The following PLEKHA5 variants were observed in gnomAD, a reference collection of about 807,000 sequenced individuals.
The protein encoded by PLEKHA5 is pleckstrin homology domain-containing family A member 5.
In PLEKHA5, 55 loss-of-function variants were observed where a neutral mutation model predicts 181.9. The observed-to-expected ratio is 0.30, with a 90% confidence interval of 0.24 to 0.38. The LOEUF (loss-of-function observed/expected upper bound fraction) is 0.38, where lower values mean the gene tolerates loss of function less well. Among genes scored for constraint, PLEKHA5 ranks in the 10% least tolerant of loss-of-function variants. PLEKHA5 has a pLI of 1.00. For missense variants in PLEKHA5, 1,432 were observed against 1,549.5 expected (o/e 0.92, Z 1.27); for synonymous variants, 535 against 529.4 (o/e 1.01, Z -0.15).
intron 3 of PLEKHA5, among the ~76,000 whole-genome samples, chr12:19,198,900 TACTC>T (rs1378715120): frequency 1.1e-4 from 16 of 152,314 alleles, no homozygotes; most frequent in Non-Finnish European, 2.1e-4. Context: ...ATAAGACCAT[TACTC>T]AGCAGCAAAA....
intron 30 of PLEKHA5, among the ~76,000 whole-genome samples, chr12:19,366,577 C>G (rs1176461700): frequency 6.6e-6 from 1 of 152,056 alleles, no homozygotes; most frequent in Non-Finnish European, 1.5e-5. Context: ...TGCTTGAACC[C>G]CAGAGGCGGA....
At chr12:19,160,666 C>T (rs2042761077) in intron 3 of PLEKHA5, among the ~76,000 whole-genome samples, 2 of 152,026 alleles carry the variant, frequency 1.3e-5, no homozygotes, top group South Asian at 4.2e-4. Context: ...TATTGATGTA[C>T]ATCTTTTTAG....
chr12:19,136,116 G>A (rs543349748), intron 3 of PLEKHA5, among the ~76,000 whole-genome samples: 1 of 152,032 alleles, frequency 6.6e-6, no homozygotes, highest in Admixed American at 6.6e-5. Context: ...GAACTCCTAG[G>A]CTCACGCAAT....
chr12:19,130,850 C>G lies in PLEKHA5; in HGVS notation c.169+720C>G, dbSNP rs913869349. 1 of 152,232 alleles carries G rather than the reference C, an allele frequency of 6.6e-6. No individual in the cohort carries two copies. Among genetic ancestry groups the G allele is most frequent in the Non-Finnish European group, 1.5e-5 (1 of 68,076 alleles). 9.4% of individuals were successfully genotyped at this position (152,232 alleles called of 1,614,324 possible). ...GCTGGCGATCCGGATCTAAAGTCCC[C>G]GCCAGCCGCACGGAGGTTGCACAGA... On this transcript the variant is annotated intron_variant, in intron 2 of 31. Coordinates refer to ENST00000429027, the MANE Select transcript of PLEKHA5 (RefSeq NM_001256470.2). This position sits in a 1 kb window ranked among gnomAD's most constrained non-coding sequence, Gnocchi z 4.5.
chr12:19,185,114 T>G (rs2049524834), intron 3 of PLEKHA5, among the ~76,000 whole-genome samples: 2 of 152,108 alleles, frequency 1.3e-5, no homozygotes, highest in Admixed American at 1.3e-4. Flanking sequence ...TCTTTTAACA[T>G]TGGTTCTTCA....
intron 20 of PLEKHA5, among the ~76,000 whole-genome samples, chr12:19,330,542 G>A (rs2092737275): frequency 1.3e-5 from 2 of 152,024 alleles, no homozygotes; most frequent in Admixed American, 1.3e-4. Context: ...TTTTATTTGA[G>A]AAGCAGTTAC....
At chr12:19,205,405 CAAAGA>C in intron 3 of PLEKHA5, 1 of 983,282 alleles carries the variant, frequency 1.0e-6, no homozygotes, top group Non-Finnish European at 1.2e-6. Flanking sequence ...AAGCCTGAGA[CAAAGA>C]AAAGAACACA....
chr12:19,250,027 T>A (rs1307954026), intron 3 of PLEKHA5, among the ~76,000 whole-genome samples: 1 of 152,198 alleles, frequency 6.6e-6, no homozygotes, highest in Non-Finnish European at 1.5e-5. Flanking sequence ...AGCAGCACCC[T>A]GGCCTCTACC....
At chr12:19,340,893 TCCTGTGAC>T (rs1391192420) in intron 21 of PLEKHA5, among the ~76,000 whole-genome samples, 17 of 147,832 alleles carry the variant, frequency 1.1e-4, no homozygotes, top group African/African-American at 3.7e-4. Flanking sequence ...TCCACTATTG[TCCTGTGAC>T]CCTGCCAAAT....
At chr12:19,373,899 A>AT (rs2095648909) in intron 31 of PLEKHA5, among the ~76,000 whole-genome samples, 1 of 151,816 alleles carries the variant, frequency 6.6e-6, no homozygotes, top group Non-Finnish European at 1.5e-5. Context: ...AAACTCAAGT[A>AT]TATTTCCAGG....
chr12:19,200,468 G>A (rs755725347), intron 3 of PLEKHA5: 39 of 1,409,644 alleles, frequency 2.8e-5, no homozygotes, highest in Admixed American at 5.6e-5. Flanking sequence ...GATTGTCTTC[G>A]TTATCCAGTA....
chr12:19,167,662 CTTG>C (rs1370480110), intron 3 of PLEKHA5, among the ~76,000 whole-genome samples: 1 of 151,940 alleles, frequency 6.6e-6, no homozygotes, highest in Non-Finnish European at 1.5e-5. Flanking sequence ...ACTGGGCTTT[CTTG>C]TTGTGAGTGA....
intron 20 of PLEKHA5, among the ~76,000 whole-genome samples, chr12:19,334,829 A>AAAAAATATATATATAT: frequency 1.6e-4 from 3 of 18,604 alleles, no homozygotes; most frequent in African/African-American, 3.6e-4. Context: ...AAAAAAAAAA[A>AAAAAATATATATATAT]ATATATATAT....
intron 15 of PLEKHA5, among the ~76,000 whole-genome samples, chr12:19,299,410 A>G (rs1460185046): frequency 6.6e-6 from 1 of 152,228 alleles, no homozygotes; most frequent in Non-Finnish European, 1.5e-5. Flanking sequence ...TTTAGTCAGC[A>G]AATCTTGGCA....
intron 26 of PLEKHA5, among the ~76,000 whole-genome samples, chr12:19,357,443 G>A (rs931537610): frequency 9.2e-5 from 14 of 151,552 alleles, no homozygotes; most frequent in Non-Finnish European, 1.8e-4. Context: ...ACAGGGTTTC[G>A]CCATGTTGGC....
At chr12:19,307,309 C>G (rs2084297979) in intron 15 of PLEKHA5, 2 of 347,084 alleles carry the variant, frequency 5.8e-6, no homozygotes, top group South Asian at 6.0e-5. Flanking sequence ...CTTGTCTCTA[C>G]TAAAAATTCA....
chr12:19,187,800 G>A lies in PLEKHA5; in HGVS notation c.227+55350G>A, dbSNP rs118179774. 1.4e-3 allele frequency among the ~76,000 whole-genome samples: 217 copies of A among 152,176 alleles called. 3 individuals carry two copies. In the East Asian group the frequency reaches 0.026, roughly 19 times the overall value. The stretch of plus-strand genomic sequence containing the variant: ...TTACTGAGGTGTAGAACCCATAAAG[G>A]TAACATACAAGAACATATTTTTATG... On this transcript the variant is annotated intron_variant, in intron 3 of 31. Coordinates refer to ENST00000429027, the MANE Select transcript of PLEKHA5 (RefSeq NM_001256470.2).
At chr12:19,265,664 C>T (rs1945672037) in intron 7 of PLEKHA5, 86 bp from the exon 8 acceptor site, 2 of 740,246 alleles carry the variant, frequency 2.7e-6, no homozygotes, top group Non-Finnish European at 4.7e-6. Flanking sequence ...GTACAAGAAC[C>T]TTTTGATTTG....
In PLEKHA5 at chr12:19,314,832, A is replaced by T; in HGVS notation, c.2056A>T (p.Ile686Phe). ...LDHQMKENEP[I>F]ITMVHTMIEN... Reference sequence around the variant, plus strand: ...GAAATAGATGAAAGAAAATGAACCTATTATCACCATGGTTCACACAATGAT... The same window carrying T: ...GAAATAGATGAAAGAAAATGAACCTTTTATCACCATGGTTCACACAATGAT... The change falls in exon 16 of 32, where the codon ATT becomes TTT. Residue 686 changes from isoleucine (I) to phenylalanine (F), a missense_variant. Physicochemically the swap from Ile to Phe is conservative, Grantham distance 21. Coordinates refer to ENST00000429027, the MANE Select transcript of PLEKHA5 (RefSeq NM_001256470.2). The T allele has an allele frequency of 1.3e-6, 2 of 1,542,982 alleles. No homozygotes were observed. The highest frequency in any genetic ancestry group is 2.4e-5 in the South Asian group (2 of 83,880).
Sources: gnomAD v4.1 joint callset for allele counts (sites outside exome capture counted in the v4.1 genomes callset) on GRCh38, gnomAD v4.1.1 for gene constraint, Gnocchi (gnomAD v3.1) non-coding constraint, MANE v1.5 for transcripts, NCBI Gene and HGNC (gene_info 2026-07-23, HGNC 2026-07-21) for gene names.